CNTNAP5: variants seen among roughly 807,000 people sequenced by gnomAD.
The protein encoded by CNTNAP5 is contactin-associated protein-like 5.
Under a neutral mutation model 150.2 loss-of-function variants are expected in CNTNAP5, and 72 were observed. The observed-to-expected ratio is 0.48, with a 90% CI of 0.40 to 0.58. The LOEUF is 0.58. Among genes scored for constraint, CNTNAP5 ranks in the 20% least tolerant of loss-of-function variants. The probability of loss-of-function intolerance (pLI) is 0.00; values close to 1 mark genes in which losing one functional copy is unlikely to be tolerated. For synonymous variants in CNTNAP5, 672 were observed against 619.8 expected, an observed-to-expected ratio of 1.08 and a Z score of -1.25; for missense variants, 1,636 against 1,626.2, an observed-to-expected ratio of 1.01 and a Z score of -0.10.
chr2:124,219,738 GT>G (rs977097761), intron 1 of CNTNAP5, among the ~76,000 whole-genome samples: 6 of 152,006 alleles, frequency 3.9e-5, no homozygotes, highest in African/African-American at 9.7e-5. Flanking sequence ...ATTATTATAT[GT>G]TTTTTTCTAA....
At chr2:124,317,383 A>G (rs1178863003) in intron 3 of CNTNAP5, among the ~76,000 whole-genome samples, 1 of 152,214 alleles carries the variant, frequency 6.6e-6, no homozygotes, top group Non-Finnish European at 1.5e-5. Context: ...TCAGCTTTTA[A>G]GTAGAAAAGC....
chr2:124,673,610 C>T (rs1050322990), intron 13 of CNTNAP5, among the ~76,000 whole-genome samples: 14 of 151,940 alleles, frequency 9.2e-5, no homozygotes, highest in African/African-American at 3.4e-4. Flanking sequence ...ATAAAAGTGG[C>T]ATCCTTTTAT....
At chr2:124,410,359 C>G (rs952221304) in intron 3 of CNTNAP5, among the ~76,000 whole-genome samples, 1 of 151,802 alleles carries the variant, frequency 6.6e-6, no homozygotes, top group African/African-American at 2.4e-5. Context: ...GAATTGAACT[C>G]AGCTCTGCAC....
intron 11 of CNTNAP5, among the ~76,000 whole-genome samples, chr2:124,569,844 G>T (rs945157733): frequency 3.3e-5 from 5 of 152,172 alleles, no homozygotes; most frequent in African/African-American, 9.7e-5. Context: ...GCTATCAGAT[G>T]TTATAGTAAT....
intron 1 of CNTNAP5, among the ~76,000 whole-genome samples, chr2:124,131,851 T>TGAGTG (rs1191819287): frequency 2.0e-5 from 3 of 152,170 alleles, no homozygotes; most frequent in African/African-American, 7.2e-5. Flanking sequence ...CAGCTCTTTT[T>TGAGTG]AGTTGAGTGG....
At chr2:124,576,350 T>C (rs1026543967) in intron 11 of CNTNAP5, among the ~76,000 whole-genome samples, 1 of 152,158 alleles carries the variant, frequency 6.6e-6, no homozygotes, top group Admixed American at 6.5e-5. Flanking sequence ...CTTGTTCCTG[T>C]CTGCTTGATT....
chr2:124,667,391 T>C (rs1234820631), intron 13 of CNTNAP5, among the ~76,000 whole-genome samples: 1 of 152,258 alleles, frequency 6.6e-6, no homozygotes, highest in Non-Finnish European at 1.5e-5. Flanking sequence ...ATTACTCATT[T>C]CACAGTCTGA....
intron 19 of CNTNAP5, among the ~76,000 whole-genome samples, chr2:124,824,589 G>A (rs948273277): frequency 2.6e-5 from 4 of 152,062 alleles, no homozygotes; most frequent in African/African-American, 9.7e-5. Flanking sequence ...AAAATCCATG[G>A]TTTGTCAATT....
chr2:124,106,579 A>G (rs1683176229), intron 1 of CNTNAP5, among the ~76,000 whole-genome samples: 1 of 152,294 alleles, frequency 6.6e-6, no homozygotes, highest in South Asian at 2.1e-4. Context: ...TATCCCAAAA[A>G]GCCATGAAGA....
chr2:124,678,004 C>T (rs917903240), intron 13 of CNTNAP5, among the ~76,000 whole-genome samples: 10 of 151,984 alleles, frequency 6.6e-5, no homozygotes, highest in Non-Finnish European at 8.8e-5. Context: ...TCATGTTGGG[C>T]GTTTCTTTAA....
intron 1 of CNTNAP5, among the ~76,000 whole-genome samples, chr2:124,180,676 T>A (rs1196727297): frequency 2.6e-5 from 4 of 152,260 alleles, no homozygotes; most frequent in Admixed American, 2.0e-4. Flanking sequence ...ATAGAAATCA[T>A]TTAAAGAATT....
At chr2:124,655,497 T>C (rs150456084) in intron 13 of CNTNAP5, among the ~76,000 whole-genome samples, 66 of 151,888 alleles carry the variant, frequency 4.3e-4, no homozygotes, top group African/African-American at 1.5e-3. Flanking sequence ...TATAATCCTT[T>C]GGGTTATATA....
chr2:124,069,297 G>A (rs1419049622), intron 1 of CNTNAP5, among the ~76,000 whole-genome samples: 1 of 152,158 alleles, frequency 6.6e-6, no homozygotes, highest in African/African-American at 2.4e-5. Context: ...TTTGTCCTGT[G>A]GTTTGAGTGT....
At chr2:124,697,867 C>A (rs2105086352) in intron 13 of CNTNAP5, among the ~76,000 whole-genome samples, 1 of 152,258 alleles carries the variant, frequency 6.6e-6, no homozygotes. Context: ...TATTTCAGCA[C>A]CCTTATCAGA....
intron 11 of CNTNAP5, among the ~76,000 whole-genome samples, chr2:124,588,195 T>C (rs1696594338): frequency 7.9e-6 from 1 of 126,996 alleles, no homozygotes; most frequent in Non-Finnish European, 1.8e-5. Context: ...TTTCTTTCTT[T>C]CTTTCTTTCT....
intron 3 of CNTNAP5, among the ~76,000 whole-genome samples, chr2:124,337,204 C>T (rs906063269): frequency 2.0e-5 from 3 of 152,122 alleles, no homozygotes; most frequent in Non-Finnish European, 4.4e-5. Flanking sequence ...CCTTCGCCCA[C>T]TTGTTGATGG....
chr2:124,108,316 C>T (rs1347088068), intron 1 of CNTNAP5, among the ~76,000 whole-genome samples: 2 of 152,166 alleles, frequency 1.3e-5, no homozygotes, highest in East Asian at 3.9e-4. Flanking sequence ...TTTCCTCTCA[C>T]TTGCAACTGT....
chr2:124,392,788 C>A (rs1219768559), intron 3 of CNTNAP5, among the ~76,000 whole-genome samples: 7 of 144,878 alleles, frequency 4.8e-5, no homozygotes, highest in Admixed American at 3.4e-4. Context: ...AAACCAAAAC[C>A]AAAAACACAA....
intron 13 of CNTNAP5, among the ~76,000 whole-genome samples, chr2:124,733,062 A>G (rs983976901): frequency 9.9e-5 from 15 of 152,144 alleles, no homozygotes; most frequent in African/African-American, 2.9e-4. Flanking sequence ...ATTTAACACA[A>G]AATTATTGAT....
Sources: gnomAD v4.1 joint callset for allele counts (sites outside exome capture counted in the v4.1 genomes callset) on GRCh38, gnomAD v4.1.1 for gene constraint, MANE v1.5 for transcripts, NCBI Gene and HGNC (gene_info 2026-07-23, HGNC 2026-07-21) for gene names.